SKA3: variants seen among roughly 807,000 people sequenced by gnomAD.
SKA3 encodes the protein spindle and kinetochore associated complex subunit 3, also known as spindle and kinetochore-associated protein 3.
SKA3 carries 39 observed loss-of-function variants against 44.2 expected under a neutral mutation model. That is an observed-to-expected ratio of 0.88 (90% CI 0.68 to 1.15). SKA3 has a LOEUF of 1.15. Ranked by LOEUF, SKA3 falls within the 50% of genes most tolerant of loss-of-function variation. The pLI is 0.00. For missense variants in SKA3, 511 were observed against 485.8 expected, an observed-to-expected ratio of 1.05 and a Z score of -0.49; for synonymous variants, 192 against 172.0, an observed-to-expected ratio of 1.12 and a Z score of -0.91.
In SKA3 at chr13:21,155,118, C is replaced by T; in HGVS notation, c.*32G>A. 6.2e-7 allele frequency: 1 copy of T among 1,612,360 alleles called. No individual in the cohort carries two copies. Among genetic ancestry groups the T allele is most frequent in the Non-Finnish European group, 8.5e-7 (1 of 1,179,076 alleles). ...AGCTCGGCTTTCATCTCATTTTGTTCAGTTTCTGTGTTGGATAGATCCACT... is the reference window on the plus strand; with the variant it reads ...AGCTCGGCTTTCATCTCATTTTGTTTAGTTTCTGTGTTGGATAGATCCACT... On this transcript the variant is annotated 3_prime_UTR_variant, in exon 9 of 9. Coordinates refer to ENST00000314759, the MANE Select transcript of SKA3 (RefSeq NM_145061.6).
rs868357791 is a variant in SKA3 at position 21,172,338 on chromosome 13, C to A, written c.331+1G>T. The A allele has an allele frequency of 8.6e-7, 1 of 1,156,620 alleles. No homozygotes were observed. The highest frequency in any genetic ancestry group is 1.1e-6 in the Non-Finnish European group (1 of 879,974). 71.6% of individuals were successfully genotyped at this position (1,156,620 alleles called of 1,614,324 possible). A position where few individuals can be genotyped will look rare whatever the true frequency, so the allele number is the denominator to read the frequency against. On this transcript the variant is annotated splice_donor_variant, in intron 3 of 8. Transcript: ENST00000314759. LOFTEE classifies it high-confidence loss of function. ...ATGCTATAAAATGAAGTTATTCAAACCTGAATTTTTCTTGACACGTGGACT... is the reference window on the plus strand; with the variant it reads ...ATGCTATAAAATGAAGTTATTCAAAACTGAATTTTTCTTGACACGTGGACT...
intron 1 of SKA3, 79 bp downstream of exon 1, chr13:21,176,296 G>A (rs1350161763): frequency 2.7e-6 from 3 of 1,115,254 alleles, no homozygotes; most frequent in Admixed American, 5.9e-5. Context: ...GGTTCCCGTG[G>A]GACATACCGT....
intron 1 of SKA3, among the ~76,000 whole-genome samples, chr13:21,173,699 T>C (rs1871223479): frequency 6.6e-6 from 1 of 152,236 alleles, no homozygotes. Context: ...CTAATCCATG[T>C]TCATTATTGT....
At chr13:21,155,237 ACACT>A in intron 8 of SKA3, 87 bp from the exon 9 acceptor site, 12 of 1,121,240 alleles carry the variant, frequency 1.1e-5, no homozygotes, top group Non-Finnish European at 1.6e-5. Context: ...TATATATTTT[ACACT>A]TATAAAATAA....
At chr13:21,167,488 C>A (rs1418564068) in intron 4 of SKA3, among the ~76,000 whole-genome samples, 1 of 152,032 alleles carries the variant, frequency 6.6e-6, no homozygotes, top group Non-Finnish European at 1.5e-5. Flanking sequence ...ACTTATTGGC[C>A]GGGCGCGGTG....
intron 1 of SKA3, among the ~76,000 whole-genome samples, chr13:21,173,102 C>T (rs997139278): frequency 2.6e-5 from 4 of 152,114 alleles, no homozygotes; most frequent in African/African-American, 7.2e-5. Context: ...GAAAAGCATA[C>T]AAATCCTAAG....
intron 4 of SKA3, among the ~76,000 whole-genome samples, chr13:21,166,732 A>G (rs1485444751): frequency 1.3e-5 from 2 of 152,190 alleles, no homozygotes; most frequent in Non-Finnish European, 2.9e-5. Context: ...GACCATCTGA[A>G]AAACAAAACA....
Position 21,168,182 on chromosome 13 carries a change from C to CT in SKA3, c.548dup (p.Glu184GlyfsTer29). The CT allele has an allele frequency of 6.2e-7, 1 of 1,614,092 alleles. No homozygotes were observed. Among genetic ancestry groups the CT allele is most frequent in the African/African-American group, 1.3e-5 (1 of 75,028 alleles). ...GTGGGGTTACAATTACGGGCTCTTCCTTATAGTTGTTCACTGCCTGTGGAG... is the reference window on the plus strand; with the variant it reads ...GTGGGGTTACAATTACGGGCTCTTCCTTTATAGTTGTTCACTGCCTGTGGAG... On this transcript the variant is annotated frameshift_variant, in exon 4 of 9. Transcript: ENST00000314759. LOFTEE classifies it high-confidence loss of function.
At chr13:21,167,134 C>A (rs1870754930) in intron 4 of SKA3, among the ~76,000 whole-genome samples, 1 of 152,142 alleles carries the variant, frequency 6.6e-6, no homozygotes. Flanking sequence ...TGAAGAGGCA[C>A]TAACAATGTC....
At position 21,158,077 on chromosome 13, in the gene SKA3, A is replaced by G. The variant is rs147108341; in HGVS notation, c.964T>C (p.Leu322=). ...LSKTNSSSND[L]EVEDRTSLVL... ...AACGAAGTACGATCTTCAACTTCCA[A>G]ATCATTTGATGAACTATTTGTTTTT... The change falls in exon 7 of 9, where the codon TTG becomes CTG. Residue 322 remains leucine (L), a synonymous_variant. Coordinates refer to ENST00000314759, the MANE Select transcript of SKA3 (RefSeq NM_145061.6). 23 of 1,612,890 alleles carry G rather than the reference A, an allele frequency of 1.4e-5. No homozygotes were observed. In the African/African-American group the frequency reaches 2.9e-4, roughly 21 times the overall value.
At chr13:21,170,018 AT>A (rs1870948714) in intron 3 of SKA3, among the ~76,000 whole-genome samples, 2 of 152,140 alleles carry the variant, frequency 1.3e-5, no homozygotes, top group Non-Finnish European at 2.9e-5. Flanking sequence ...ATTATTTTAG[AT>A]TCGTAACTTC....
chr13:21,166,439 A>G (rs958298601), intron 4 of SKA3, among the ~76,000 whole-genome samples: 1 of 152,216 alleles, frequency 6.6e-6, no homozygotes, highest in Non-Finnish European at 1.5e-5. Flanking sequence ...TAGCTTAGAA[A>G]AATAAAAACA....
At chr13:21,169,947 A>G (rs1281392351) in intron 3 of SKA3, among the ~76,000 whole-genome samples, 2 of 152,020 alleles carry the variant, frequency 1.3e-5, no homozygotes, top group Middle Eastern at 3.2e-3. Context: ...CTGAAACTGT[A>G]TTTTAAAATT....
At chr13:21,167,400 A>C (rs906772548) in intron 4 of SKA3, among the ~76,000 whole-genome samples, 2 of 150,742 alleles carry the variant, frequency 1.3e-5, no homozygotes, top group African/African-American at 4.8e-5. Context: ...AGAAACTGAC[A>C]GCTCACACTT....
intron 1 of SKA3, among the ~76,000 whole-genome samples, chr13:21,174,489 C>A (rs1166329801): frequency 6.6e-6 from 1 of 152,006 alleles, no homozygotes; most frequent in Admixed American, 6.6e-5. Flanking sequence ...GGACAAAAAA[C>A]CAAACACCGC....
In SKA3 at chr13:21,172,422, A is replaced by T; in HGVS notation, c.248T>A (p.Met83Lys). The change falls in exon 3 of 9, where the codon ATG (methionine) becomes AAG (lysine). Residue 83 changes from methionine (M) to lysine (K), a missense_variant. Coordinates refer to ENST00000314759, the MANE Select transcript of SKA3 (RefSeq NM_145061.6). ...CATAATATCCATTGAATTTTTTTCC[A>T]TTAGTACTTTTGTTGCCTTTATGAA... The part of the protein sequence containing the change: ...IDFIKATKVL[M>K]EKNSMDIMKI... 1 of 1,592,682 alleles carries T rather than the reference A, an allele frequency of 6.3e-7. No homozygotes were observed. The highest frequency in any genetic ancestry group is 8.5e-7 in the Non-Finnish European group (1 of 1,173,134).
chr13:21,173,918 C>T lies in SKA3; in HGVS notation c.104-1237G>A, dbSNP rs559467648. Among the ~76,000 whole-genome samples, 43 of 152,296 alleles carry T rather than the reference C, an allele frequency of 2.8e-4. No individual in the cohort carries two copies. In the South Asian group the frequency reaches 8.9e-3, roughly 32 times the overall value. ...TGCATATGCTCAACTTCAGTAAATA[C>T]TGCTAGTTTTCCAACATGATTTTTA... On this transcript the variant is annotated intron_variant, in intron 1 of 8. Transcript: ENST00000314759.
chr13:21,175,674 C>A (rs555137345), intron 1 of SKA3, among the ~76,000 whole-genome samples: 40 of 152,226 alleles, frequency 2.6e-4, no homozygotes, highest in African/African-American at 9.4e-4. Context: ...ACAATTATGA[C>A]ATTTATGAAA....
chr13:21,169,039 C>G (rs1392611772), intron 3 of SKA3, among the ~76,000 whole-genome samples: 1 of 124,362 alleles, frequency 8.0e-6, no homozygotes, highest in African/African-American at 3.0e-5. Context: ...TTTTTTTTTT[C>G]TTTCTCAGAC....
Sources: gnomAD v4.1 joint callset for allele counts (sites outside exome capture counted in the v4.1 genomes callset) on GRCh38, gnomAD v4.1.1 for gene constraint, MANE v1.5 for transcripts, NCBI Gene and HGNC (gene_info 2026-07-23, HGNC 2026-07-21) for gene names.